The following CGREF1 variants were observed in gnomAD, a reference collection of about 807,000 sequenced individuals.
The protein encoded by CGREF1 is cell growth regulator with EF-hand domain 1.
CGREF1 carries 16 observed loss-of-function variants against 17.4 expected under a neutral mutation model. That is an observed-to-expected ratio of 0.92 (90% CI 0.62 to 1.40). CGREF1 has a LOEUF of 1.40. Ranked by LOEUF, CGREF1 falls within the 40% of genes most tolerant of loss-of-function variation. The pLI is 0.00. For synonymous variants in CGREF1, 142 were observed against 154.6 expected (o/e 0.92, Z 0.61); for missense variants, 296 against 376.4 (o/e 0.79, Z 1.77).
At chr2:27,111,471 G>A (rs11691465) in intron 1 of CGREF1, among the ~76,000 whole-genome samples, 80,751 of 152,122 alleles carry the variant, frequency 0.53, 22,847 homozygotes, top group East Asian at 0.76. Flanking sequence ...CCTGCACCGG[G>A]GCCGCAGGTG....
intron 1 of CGREF1, chr2:27,104,632 C>G (rs565525235): frequency 5.2e-6 from 8 of 1,550,474 alleles, no homozygotes; most frequent in African/African-American, 2.7e-5. Context: ...GAGCTGGGGG[C>G]GCATCCCCAC....
In CGREF1 at chr2:27,102,218, AG is replaced by A. The variant is rs1670906719; in HGVS notation, c.220del (p.Leu74SerfsTer25). 1 of 1,610,412 alleles carries A rather than the reference AG, an allele frequency of 6.2e-7. No homozygotes were observed. The highest frequency in any genetic ancestry group is 1.1e-5 in the South Asian group (1 of 90,974). On this transcript the variant is annotated frameshift_variant and splice_region_variant, in exon 5 of 6. Coordinates refer to ENST00000402394, the MANE Select transcript of CGREF1 (RefSeq NM_006569.6). LOFTEE classifies it high-confidence loss of function. Reference protein sequence around the residue: ...QLEHLSREQVLLYLFALHDYD... With the variant: ...QLEHLSREQVXLYLFALHDYD... Reference sequence around the variant, plus strand: ...GTCATGGAGGGCAAAGAGGTAGAGGAGAACTAAAGAGAAGAGAAGCTGGATT... The same window carrying A: ...GTCATGGAGGGCAAAGAGGTAGAGGAAACTAAAGAGAAGAGAAGCTGGATT...
Position 27,101,110 on chromosome 2 carries a change from C to G in CGREF1, c.*164G>C. 7.2e-7 allele frequency: 1 copy of G among 1,390,382 alleles called. No homozygotes were observed. Among genetic ancestry groups the G allele is most frequent in the South Asian group, 1.9e-5 (1 of 53,858 alleles). The allele number at this position is 1,390,382 out of a possible 1,614,324, so 86.1% of individuals were successfully genotyped here. On this transcript the variant is annotated 3_prime_UTR_variant, in exon 6 of 6. Transcript: ENST00000402394. Reference sequence around the variant, plus strand: ...ATTCAGTTCTTTATTGGTAATCTGCCCCTTAACTTAGGGTCTCCCTGAGCT... The same window carrying G: ...ATTCAGTTCTTTATTGGTAATCTGCGCCTTAACTTAGGGTCTCCCTGAGCT...
chr2:27,116,471 G>A (rs1188292073), intron 1 of CGREF1, among the ~76,000 whole-genome samples: 1 of 151,666 alleles, frequency 6.6e-6, no homozygotes, highest in Non-Finnish European at 1.5e-5. Flanking sequence ...AGGTTGCAAT[G>A]AGCCAAGATT....
chr2:27,102,208 G>A lies in CGREF1; in HGVS notation c.231C>T (p.Leu77=). Reference sequence around the variant, plus strand: ...TCTGGTCATAGTCATGGAGGGCAAAGAGGTAGAGGAGAACTAAAGAGAAGA... The same window carrying A: ...TCTGGTCATAGTCATGGAGGGCAAAAAGGTAGAGGAGAACTAAAGAGAAGA... ...HLSREQVLLY[L]FALHDYDQSG... is the part of the protein sequence containing the mutation. The change falls in exon 5 of 6, where the codon CTC becomes CTT. Residue 77 remains leucine, a synonymous_variant. Transcript: ENST00000402394. The A allele has an allele frequency of 1.2e-6, 2 of 1,611,712 alleles. No individual in the cohort carries two copies. Among genetic ancestry groups the A allele is most frequent in the Non-Finnish European group, 1.7e-6 (2 of 1,178,068 alleles).
rs1344229371 is a variant in CGREF1 at position 27,104,316 on chromosome 2, A to C, written c.51T>G (p.Gly17=). ...TVLILLLLPT[G]QAAPKDGVTR... is the part of the protein sequence containing the mutation. ...TGACTCCATCCTTTGGGGCAGCCTG[A>C]CCCGTGGGGAGCAGCAGCAGGATTA... is the stretch of plus-strand genomic sequence containing the variant. Residue 17 remains glycine (G), a synonymous_variant, in exon 2 of 6, where the codon GGT becomes GGG. Coordinates refer to ENST00000402394, the MANE Select transcript of CGREF1 (RefSeq NM_006569.6). 2 of 1,581,098 alleles carry C rather than the reference A, an allele frequency of 1.3e-6. No homozygotes were observed. The highest frequency in any genetic ancestry group is 1.7e-6 in the Non-Finnish European group (2 of 1,162,470).
Position 27,102,360 on chromosome 2 carries a change from C to G in CGREF1, c.217G>C (p.Val73Leu). The G allele has an allele frequency of 6.2e-7, 1 of 1,614,134 alleles. No individual in the cohort carries two copies. The highest frequency in any genetic ancestry group is 8.5e-7 in the Non-Finnish European group (1 of 1,179,976). ...TGGCCCCATCAGCCCAGCCCCTCACCCTGCTCCCGGCTCAGATGCTCCAGT... is the reference window on the plus strand; with the variant it reads ...TGGCCCCATCAGCCCAGCCCCTCACGCTGCTCCCGGCTCAGATGCTCCAGT... ...VQLEHLSREQ[V>L]LLYLFALHDY... Residue 73 changes from valine to leucine, a missense_variant and splice_region_variant, in exon 4 of 6, where the codon GTT becomes CTT. By Grantham distance (32) the Val-to-Leu change is conservative. Transcript: ENST00000402394.
chr2:27,113,446 T>C (rs1671462388), intron 1 of CGREF1, among the ~76,000 whole-genome samples: 1 of 152,234 alleles, frequency 6.6e-6, no homozygotes, highest in South Asian at 2.1e-4. Flanking sequence ...CACTCTCTTA[T>C]CACTAAGCTG....
At chr2:27,099,814 T>C (rs1182637240), downstream of CGREF1, 1 of 1,582,068 alleles carries the variant, frequency 6.3e-7, no homozygotes, top group Non-Finnish European at 8.6e-7. Flanking sequence ...CCTTCTCCCC[T>C]CCATCCAGCC....
Position 27,101,236 on chromosome 2 carries a change from G to A in CGREF1, c.*38C>T. On this transcript the variant is annotated 3_prime_UTR_variant, in exon 6 of 6. Transcript: ENST00000402394. ...CTGCCCACTTCAGGGCTTATGTTCTGGCACTGAGACTTCGTGGGGTACCTG... is the reference window on the plus strand; with the variant it reads ...CTGCCCACTTCAGGGCTTATGTTCTAGCACTGAGACTTCGTGGGGTACCTG... 2 of 1,523,352 alleles carry A rather than the reference G, an allele frequency of 1.3e-6. No individual in the cohort carries two copies. The highest frequency in any genetic ancestry group is 1.8e-6 in the Non-Finnish European group (2 of 1,136,076). The allele number at this position is 1,523,352 out of a possible 1,614,324, so 94.4% of individuals were successfully genotyped here.
intron 1 of CGREF1, among the ~76,000 whole-genome samples, chr2:27,114,138 G>T (rs964513955): frequency 6.6e-6 from 1 of 151,948 alleles, no homozygotes; most frequent in Non-Finnish European, 1.5e-5. Context: ...GGGACTACAG[G>T]TGCACGCCAC....
chr2:27,101,930 T>C (rs773962034), intron 5 of CGREF1, 42 bp from the exon 6 acceptor site: 3 of 1,598,436 alleles, frequency 1.9e-6, no homozygotes, highest in Non-Finnish European at 2.6e-6. Flanking sequence ...GGGACAGAGA[T>C]GTTCCCAGGA....
chr2:27,101,699 T>G lies in CGREF1; in HGVS notation c.532A>C (p.Arg178=). Residue 178 remains arginine, a synonymous_variant, in exon 6 of 6, where the codon AGA becomes CGA. Transcript: ENST00000402394. ...CCAGGGGCTTCCTGTGTTTCTTGTC[T>G]TAATGGGCTTTTAGCTAATAGGGAC... is the stretch of plus-strand genomic sequence containing the variant. ...RQSLLAKSPL[R]QETQEAPGPR... The G allele has an allele frequency of 6.2e-7, 1 of 1,614,252 alleles. No individual in the cohort carries two copies. Among genetic ancestry groups the G allele is most frequent in the Non-Finnish European group, 8.5e-7 (1 of 1,180,054 alleles).
chr2:27,111,731 C>T (rs868021164), intron 1 of CGREF1, among the ~76,000 whole-genome samples: 3 of 151,880 alleles, frequency 2.0e-5, no homozygotes, highest in African/African-American at 7.3e-5. Flanking sequence ...CCTCACTGCC[C>T]GGGGCCGGCG....
At position 27,104,288 on chromosome 2, in the gene CGREF1, TTG is replaced by T. The variant is rs778279303; in HGVS notation, c.77_78del (p.Thr26LysfsTer5). On this transcript the variant is annotated frameshift_variant and splice_region_variant, in exon 2 of 6. Transcript: ENST00000402394. LOFTEE classifies it high-confidence loss of function. The stretch of plus-strand genomic sequence containing the variant: ...GCCCTGCCCTCATAACCCTGTTACC[TTG>T]TGACTCCATCCTTTGGGGCAGCCTG... ...TGQAAPKDGVTRPDSEVQHQL... is the reference protein window; with the variant it reads ...TGQAAPKDGVXRPDSEVQHQL... The T allele has an allele frequency of 2.6e-6, 4 of 1,556,998 alleles. No homozygotes were observed. In the Admixed American group the frequency reaches 7.4e-5, roughly 29 times the overall value.
At chr2:27,110,131 G>A (rs1671304936) in intron 1 of CGREF1, among the ~76,000 whole-genome samples, 2 of 152,086 alleles carry the variant, frequency 1.3e-5, no homozygotes, top group South Asian at 4.1e-4. Context: ...GCCGAGGTGG[G>A]AGGATCACTT....
intron 1 of CGREF1, among the ~76,000 whole-genome samples, chr2:27,110,404 AAT>A (rs1671321047): frequency 8.7e-5 from 1 of 11,510 alleles, no homozygotes; most frequent in East Asian, 2.8e-3. Flanking sequence ...TCTCCAAAAA[AAT>A]ACACACACAC....
chr2:27,099,796 C>T, downstream of CGREF1: 1 of 1,599,084 alleles, frequency 6.3e-7, no homozygotes, highest in Non-Finnish European at 8.5e-7. Context: ...ACCATTGCGG[C>T]TGCATCGCCT....
chr2:27,107,238 G>C (rs1671154843), intron 1 of CGREF1, among the ~76,000 whole-genome samples: 1 of 129,160 alleles, frequency 7.7e-6, no homozygotes, highest in African/African-American at 3.1e-5. Context: ...ATATACAGCA[G>C]ATACAGTTCA....
Sources: allele counts gnomAD v4.1 joint callset (sites outside exome capture counted in the v4.1 genomes callset), GRCh38; gene constraint gnomAD v4.1.1; transcripts MANE v1.5; gene names NCBI Gene and HGNC (gene_info 2026-07-23, HGNC 2026-07-21).